The following GPR158 variants were observed in gnomAD, a reference collection of about 807,000 sequenced individuals.
The protein encoded by GPR158 is G protein-coupled receptor 158, also known as metabotropic glycine receptor.
A neutral mutation model predicts 78.2 loss-of-function variants in GPR158; 30 were observed. That is an observed-to-expected ratio of 0.38 (90% CI 0.29 to 0.52). The LOEUF is 0.52. Among genes scored for constraint, GPR158 ranks in the 20% least tolerant of loss-of-function variants. GPR158 has a pLI of 0.83. For synonymous variants in GPR158, 581 were observed against 591.1 expected (o/e 0.98, Z 0.25); for missense variants, 1,463 against 1,523.5 (o/e 0.96, Z 0.66).
chr10:25,300,046 C>A (rs1181208288), intron 2 of GPR158, among the ~76,000 whole-genome samples: 1 of 152,144 alleles, frequency 6.6e-6, no homozygotes, highest in Admixed American at 6.5e-5. Flanking sequence ...GTGTGAGCCA[C>A]CATGCCCAGC....
intron 7 of GPR158, among the ~76,000 whole-genome samples, chr10:25,585,517 G>A (rs149957204): frequency 4.8e-4 from 73 of 152,322 alleles, no homozygotes; most frequent in African/African-American, 1.2e-3. Flanking sequence ...ATACTAGAGG[G>A]AAGAAAATTC....
At chr10:25,465,897 C>G (rs1161592402) in intron 4 of GPR158, among the ~76,000 whole-genome samples, 1 of 152,162 alleles carries the variant, frequency 6.6e-6, no homozygotes, top group Non-Finnish European at 1.5e-5. Flanking sequence ...GGCTGTTCTT[C>G]CTGGGTCAAT....
Position 25,598,002 on chromosome 10 carries a change from C to T in GPR158, c.2376C>T (p.Pro792=). 6.2e-7 allele frequency: 1 copy of T among 1,614,118 alleles called. No homozygotes were observed. Among genetic ancestry groups the T allele is most frequent in the South Asian group, 1.1e-5 (1 of 91,074 alleles). The change falls in exon 11 of 11, where the codon CCC becomes CCT. Residue 792 remains proline (P), a synonymous_variant. Transcript: ENST00000376351. ...GCACTGCCCTCATCAGGAAGAACCC[C>T]CCAGAGTCTTCAGGGAACACAGGGA... ...AKGTALIRKN[P]PESSGNTGKS... is the part of the protein sequence containing the mutation.
chr10:25,494,898 A>T (rs778687287), intron 5 of GPR158, among the ~76,000 whole-genome samples: 1 of 152,184 alleles, frequency 6.6e-6, no homozygotes, highest in Non-Finnish European at 1.5e-5. Context: ...TATTCATCAT[A>T]GCCTCAAACT....
intron 5 of GPR158, among the ~76,000 whole-genome samples, chr10:25,490,997 G>T (rs1208520277): frequency 6.6e-6 from 1 of 151,990 alleles, no homozygotes; most frequent in African/African-American, 2.4e-5. Flanking sequence ...TGTTGGGGGG[G>T]TCCTAATATT....
chr10:25,442,543 T>C lies in GPR158; in HGVS notation c.1336-24108T>C, dbSNP rs143278690. 1.1e-4 allele frequency among the ~76,000 whole-genome samples: 17 copies of C among 152,134 alleles called. No homozygotes were observed. The East Asian group carries it at 3.3e-3, about 30-fold the overall frequency. On this transcript the variant is annotated intron_variant, in intron 4 of 10. Transcript: ENST00000376351. ...GAGTCTCAACTGCCTAATTGACATC[T>C]CTGCTTGTATATTAATACTCCAGTA...
intron 7 of GPR158, among the ~76,000 whole-genome samples, chr10:25,588,417 TA>T (rs1212950525): frequency 3.9e-5 from 6 of 152,224 alleles, no homozygotes; most frequent in Non-Finnish European, 7.3e-5. Context: ...TGAATTTTCC[TA>T]AACCTTTCCA....
intron 5 of GPR158, among the ~76,000 whole-genome samples, chr10:25,530,781 G>A (rs1366387660): frequency 2.0e-5 from 3 of 152,180 alleles, no homozygotes; most frequent in Non-Finnish European, 4.4e-5. Context: ...CTCCTTCTCA[G>A]TCACTCTCTG....
At chr10:25,311,632 G>T (rs779096663) in intron 2 of GPR158, among the ~76,000 whole-genome samples, 1 of 151,858 alleles carries the variant, frequency 6.6e-6, no homozygotes, top group East Asian at 1.9e-4. Flanking sequence ...TCTAATGCTC[G>T]AATTCAGCAT....
chr10:25,206,189 G>A (rs571000953), intron 1 of GPR158, among the ~76,000 whole-genome samples: 10 of 151,952 alleles, frequency 6.6e-5, no homozygotes, highest in East Asian at 1.9e-4. Flanking sequence ...GGGTTTCACC[G>A]TGTTAGCCAG....
At chr10:25,285,268 T>C (rs1270604877) in intron 2 of GPR158, among the ~76,000 whole-genome samples, 1 of 151,862 alleles carries the variant, frequency 6.6e-6, no homozygotes, top group Non-Finnish European at 1.5e-5. Flanking sequence ...TCTCTCTCTC[T>C]ACACACACAC....
At chr10:25,178,465 A>AAC (rs1852570583) in intron 1 of GPR158, among the ~76,000 whole-genome samples, 1 of 152,232 alleles carries the variant, frequency 6.6e-6, no homozygotes, top group Non-Finnish European at 1.5e-5. Flanking sequence ...TGCCTAAATG[A>AAC]ACTCAGTGCC....
chr10:25,318,941 G>A (rs1854903705), intron 2 of GPR158, among the ~76,000 whole-genome samples: 1 of 152,170 alleles, frequency 6.6e-6, no homozygotes, highest in Admixed American at 6.5e-5. Flanking sequence ...CTGGTGAAAT[G>A]AAACAGTTCT....
At chr10:25,529,950 C>T (rs1206862716) in intron 5 of GPR158, among the ~76,000 whole-genome samples, 3 of 152,076 alleles carry the variant, frequency 2.0e-5, no homozygotes, top group African/African-American at 7.2e-5. Context: ...CTTTTCCATC[C>T]GTTTGATTAG....
intron 1 of GPR158, among the ~76,000 whole-genome samples, chr10:25,205,626 T>C (rs528518924): frequency 6.6e-6 from 1 of 152,170 alleles, no homozygotes; most frequent in Non-Finnish European, 1.5e-5. Flanking sequence ...TGCATCTTTG[T>C]TTTCATTAAT....
In GPR158 at chr10:25,598,206, A is replaced by C. The variant is rs778678252; in HGVS notation, c.2580A>C (p.Lys860Asn). 3 of 1,614,094 alleles carry C rather than the reference A, an allele frequency of 1.9e-6. No individual in the cohort carries two copies. The highest frequency in any genetic ancestry group is 2.5e-6 in the Non-Finnish European group (3 of 1,180,012). The change falls in exon 11 of 11, where the codon AAA becomes AAC. Residue 860 changes from lysine to asparagine, a missense_variant. Lys to Asn is a moderately conservative substitution (Grantham distance 94). Coordinates refer to ENST00000376351, the MANE Select transcript of GPR158 (RefSeq NM_020752.3). ...ESLSGKKLTQ[K>N]LKEDSEAEST... ...TGTCGGGTAAAAAACTAACACAAAA[A>C]CTAAAAGAAGACAGCGAGGCTGAGT...
intron 2 of GPR158, among the ~76,000 whole-genome samples, chr10:25,317,742 T>A (rs189930499): frequency 1.4e-5 from 2 of 145,106 alleles, no homozygotes; most frequent in South Asian, 2.1e-4. Context: ...TTTTGTTTTG[T>A]TTTTGAGACA....
At chr10:25,458,001 A>G (rs961532206) in intron 4 of GPR158, among the ~76,000 whole-genome samples, 18 of 152,336 alleles carry the variant, frequency 1.2e-4, no homozygotes, top group Middle Eastern at 6.8e-3. Flanking sequence ...CATAATTAAT[A>G]ATGAATGACT....
rs1044490666 is a variant in GPR158 at position 25,359,617 on chromosome 10, C to A, written c.1009-36294C>A. On this transcript the variant is annotated intron_variant, in intron 2 of 10. Transcript: ENST00000376351. ...CCTTTTTTATGGCCGCACAGTATTT[C>A]GTGGTATATACGTGCCACGTTTTCT... Among the ~76,000 whole-genome samples, 6 of 152,280 alleles carry A rather than the reference C, an allele frequency of 3.9e-5. No homozygotes were observed. In the East Asian group the frequency reaches 1.2e-3, roughly 29 times the overall value.
Sources: gnomAD v4.1 joint callset for allele counts (sites outside exome capture counted in the v4.1 genomes callset) on GRCh38, gnomAD v4.1.1 for gene constraint, MANE v1.5 for transcripts, NCBI Gene and HGNC (gene_info 2026-07-23, HGNC 2026-07-21) for gene names.